Variants in HDLBP observed in about 807,000 individuals in gnomAD.
HDLBP encodes the protein vigilin.
HDLBP carries 30 observed loss-of-function variants against 137.3 expected under a neutral mutation model. The observed-to-expected ratio is 0.22, with a 90% CI of 0.16 to 0.30. The LOEUF (loss-of-function observed/expected upper bound fraction) is 0.30, where lower values mean the gene tolerates loss of function less well. Ranked by LOEUF, HDLBP falls within the 10% of genes least tolerant of loss-of-function variation. The pLI, the probability that HDLBP is intolerant of heterozygous loss-of-function variation, is 1.00. For synonymous variants in HDLBP, 606 were observed against 596.0 expected (o/e 1.02, Z -0.24); for missense variants, 1,119 against 1,667.3 (o/e 0.67, Z 5.73).
In HDLBP at chr2:241,239,941, C is replaced by A; in HGVS notation, c.2351G>T (p.Arg784Leu). ...GGCCTCCAGCTCCTTCTGTGCCTCT[C>A]GGACGGCGTCCTCCTTTCCAATGAT... ...ITIIGKEDAV[R>L]EAQKELEALI... is the part of the protein sequence containing the mutation. The change falls in exon 18 of 28, where the codon CGA (arginine) becomes CTA (leucine). Residue 784 changes from arginine to leucine, a missense_variant. By Grantham distance (102) the Arg-to-Leu change is moderately radical (BLOSUM62 -2). Transcript: ENST00000310931. The surrounding 1 kb of genome is among the most constrained non-coding windows in gnomAD (Gnocchi z 4.6). 1.2e-6 allele frequency: 2 copies of A among 1,614,196 alleles called. No homozygotes were observed. The highest frequency in any genetic ancestry group is 2.7e-5 in the African/African-American group (2 of 75,042).
chr2:241,231,804 G>A (rs905545528), intron 24 of HDLBP, among the ~76,000 whole-genome samples: 1 of 152,106 alleles, frequency 6.6e-6, no homozygotes, highest in Non-Finnish European at 1.5e-5. Context: ...AGAAGGAAAC[G>A]TGGTAACAAA....
rs1226210754 is a variant in HDLBP at position 241,230,976 on chromosome 2, A to T, written c.3289-32T>A. The T allele has an allele frequency of 6.3e-7, 1 of 1,591,442 alleles. No individual in the cohort carries two copies. Among genetic ancestry groups the T allele is most frequent in the African/African-American group, 1.3e-5 (1 of 74,454 alleles). ...AAGGAGAATGTAGTCAGAAAAGGGG[A>T]TGCCTTACTGGGATTCCCGTCAGGG... On this transcript the variant is annotated intron_variant, in intron 24 of 27. Coordinates refer to ENST00000310931, the MANE Select transcript of HDLBP (RefSeq NM_005336.6). The surrounding 1 kb of genome is among the most constrained non-coding windows in gnomAD (Gnocchi z 5.0).
chr2:241,268,595 C>T, intron 1 of HDLBP, 54 bp from the exon 2 acceptor site: 4 of 658,374 alleles, frequency 6.1e-6, no homozygotes, highest in Non-Finnish European at 7.5e-6. Context: ...AGAAAAGTTA[C>T]TTATCTACAT....
chr2:241,249,614 C>T (rs2071957350), intron 12 of HDLBP, among the ~76,000 whole-genome samples: 1 of 152,246 alleles, frequency 6.6e-6, no homozygotes, highest in Admixed American at 6.5e-5. Context: ...GCCACACAGT[C>T]TCTGTGCCCT....
At chr2:241,258,789 G>A (rs181536214) in intron 5 of HDLBP, among the ~76,000 whole-genome samples, 1 of 152,246 alleles carries the variant, frequency 6.6e-6, no homozygotes, top group East Asian at 1.9e-4. Flanking sequence ...TCAGAAAAAT[G>A]CAAATTTAAA....
intron 10 of HDLBP, 85 bp downstream of exon 10, chr2:241,253,308 G>T: frequency 1.1e-6 from 1 of 909,974 alleles, no homozygotes; most frequent in Non-Finnish European, 1.9e-6. Flanking sequence ...CGGACATGTG[G>T]GATGTCATCG....
Position 241,254,554 on chromosome 2 carries a change from G to A in HDLBP, c.1188+497C>T, listed in dbSNP as rs551672927. On this transcript the variant is annotated intron_variant, in intron 9 of 27. Transcript: ENST00000310931. ...GGCTGGAATGCAGTGGTGCCATCTC[G>A]GCTCACTGCAAGCTCCACCTCCCGG... is the stretch of plus-strand genomic sequence containing the variant. Among the ~76,000 whole-genome samples, 25 of 150,082 alleles carry A rather than the reference G, an allele frequency of 1.7e-4. 2 individuals carry two copies. In the East Asian group the frequency reaches 3.5e-3, roughly 21 times the overall value.
At chr2:241,260,633 G>C (rs577740591) in intron 5 of HDLBP, among the ~76,000 whole-genome samples, 1 of 152,206 alleles carries the variant, frequency 6.6e-6, no homozygotes, top group African/African-American at 2.4e-5. Flanking sequence ...CCAATTGATA[G>C]TAAAATGATT....
At chr2:241,305,676 A>G (rs2075544532) in intron 1 of HDLBP, among the ~76,000 whole-genome samples, 2 of 152,188 alleles carry the variant, frequency 1.3e-5, no homozygotes, top group Admixed American at 1.3e-4. Context: ...GGGTAACAAA[A>G]ATCACCCTGG....
intron 1 of HDLBP, among the ~76,000 whole-genome samples, chr2:241,313,436 T>C (rs982543404): frequency 2.0e-5 from 3 of 152,124 alleles, no homozygotes; most frequent in East Asian, 1.9e-4. Context: ...CGCGCCACCA[T>C]GCCAGGCTAA....
intron 15 of HDLBP, 74 bp downstream of exon 15, chr2:241,246,982 G>T: frequency 6.4e-7 from 1 of 1,567,810 alleles, no homozygotes; most frequent in Non-Finnish European, 8.8e-7. Context: ...GTCCCTCCTA[G>T]TCTAAAACCA....
intron 1 of HDLBP, among the ~76,000 whole-genome samples, chr2:241,303,002 A>T (rs2075442400): frequency 6.6e-6 from 1 of 152,312 alleles, no homozygotes; most frequent in South Asian, 2.1e-4. Context: ...GCCTGGGCCT[A>T]GTGTTGGGCA....
chr2:241,236,800 CA>C lies in HDLBP; in HGVS notation c.2750-32del, dbSNP rs752848303. The C allele has an allele frequency of 3.1e-6, 5 of 1,609,664 alleles. No individual in the cohort carries two copies. The South Asian group carries it at 4.4e-5, about 14-fold the overall frequency. ...GAGAAAGGGGAAAAGGGACAGCTGA[CA>C]GCTGCTGGAAGAGACCCCACACCTT... is the stretch of plus-strand genomic sequence containing the variant. On this transcript the variant is annotated intron_variant, in intron 20 of 27. Coordinates refer to ENST00000310931, the MANE Select transcript of HDLBP (RefSeq NM_005336.6).
chr2:241,310,383 A>G (rs541605220), intron 1 of HDLBP, among the ~76,000 whole-genome samples: 1 of 152,304 alleles, frequency 6.6e-6, no homozygotes, highest in East Asian at 1.9e-4. Flanking sequence ...AGTAAATAAT[A>G]ATGTCGATTT....
rs1473866829 is a variant in HDLBP at position 241,227,871 on chromosome 2, G to A, written c.*1730C>T. The stretch of plus-strand genomic sequence containing the variant: ...GTGGAGTAGACAGATCCCGGGAAAG[G>A]CAGGAAAAGGGCCTTGCTTTCTTTC... On this transcript the variant is annotated 3_prime_UTR_variant, in exon 28 of 28. Transcript: ENST00000310931. 6.6e-6 allele frequency: 1 copy of A among 152,228 alleles called. No homozygotes were observed. The highest frequency in any genetic ancestry group is 2.4e-5 in the African/African-American group (1 of 41,442). 9.4% of individuals were successfully genotyped at this position (152,228 alleles called of 1,614,324 possible). A position where few individuals can be genotyped will look rare whatever the true frequency, so the allele number is the denominator to read the frequency against.
chr2:241,240,006 G>A lies in HDLBP; in HGVS notation c.2286C>T (p.Ile762=). 1 of 1,614,242 alleles carries A rather than the reference G, an allele frequency of 6.2e-7. No homozygotes were observed. The highest frequency in any genetic ancestry group is 8.5e-7 in the Non-Finnish European group (1 of 1,180,042). Residue 762 remains isoleucine (I), a synonymous_variant, in exon 18 of 28, where the codon ATC becomes ATT. Transcript: ENST00000310931. The surrounding 1 kb of genome is among the most constrained non-coding windows in gnomAD (Gnocchi z 5.5). ...KVRDSTGARV[I]FPAAEDKDQD... ...GGTCCTTGTCCTCAGCCGCAGGGAA[G>A]ATGACACGTGCTCCAGTGCTGTCGC...
chr2:241,247,698 A>G (rs1311217595), intron 14 of HDLBP, among the ~76,000 whole-genome samples: 1 of 152,254 alleles, frequency 6.6e-6, no homozygotes, highest in Admixed American at 6.5e-5. Flanking sequence ...ACTGGATGGG[A>G]CAATTTCTCT....
intron 1 of HDLBP, among the ~76,000 whole-genome samples, chr2:241,288,772 G>A (rs574431569): frequency 5.9e-5 from 9 of 152,166 alleles, no homozygotes; most frequent in Non-Finnish European, 8.8e-5. Context: ...AGCCCACGCA[G>A]GCCCCCACCC....
chr2:241,234,656 C>T (rs962300644), intron 23 of HDLBP, among the ~76,000 whole-genome samples: 1 of 152,194 alleles, frequency 6.6e-6, no homozygotes, highest in East Asian at 1.9e-4. Context: ...GCGTCTGCAG[C>T]GCTCCGCTCA....
Sources: gnomAD v4.1 joint callset for allele counts (sites outside exome capture counted in the v4.1 genomes callset) on GRCh38, gnomAD v4.1.1 for gene constraint, Gnocchi (gnomAD v3.1) non-coding constraint, MANE v1.5 for transcripts, NCBI Gene and HGNC (gene_info 2026-07-23, HGNC 2026-07-21) for gene names.